Variants in FHIT observed in about 807,000 individuals in gnomAD.
The protein encoded by FHIT is bis(5'-adenosyl)-triphosphatase.
Under a neutral mutation model 17.9 loss-of-function variants are expected in FHIT, and 19 were observed. The ratio of observed to expected loss-of-function variants is 1.06; its 90% CI spans 0.74 to 1.56. The LOEUF is 1.56. FHIT is among the 40% of genes most tolerant of loss of function. FHIT has a pLI of 0.00. For missense variants in FHIT, 248 were observed against 189.2 expected, an observed-to-expected ratio of 1.31 and a Z score of -1.82; for synonymous variants, 81 against 69.7, an observed-to-expected ratio of 1.16 and a Z score of -0.81.
intron 4 of FHIT, among the ~76,000 whole-genome samples, chr3:60,723,996 A>C (rs370327271): frequency 6.6e-6 from 1 of 152,356 alleles, no homozygotes; most frequent in Admixed American, 6.5e-5. Context: ...TTAGAGATAT[A>C]ATTCACATAT....
chr3:61,139,030 CTTT>C (rs368329092), intron 2 of FHIT, among the ~76,000 whole-genome samples: 2 of 137,278 alleles, frequency 1.5e-5, no homozygotes, highest in Non-Finnish European at 1.6e-5. Flanking sequence ...CTATATCAAA[CTTT>C]TTTTTTTTTT....
intron 3 of FHIT, among the ~76,000 whole-genome samples, chr3:61,034,442 A>AC (rs1397386281): frequency 1.3e-5 from 2 of 152,088 alleles, no homozygotes; most frequent in Non-Finnish European, 2.9e-5. Context: ...AAACAAACAA[A>AC]AACAACAAAA....
chr3:60,571,341 A>T (rs1422761942), intron 4 of FHIT, among the ~76,000 whole-genome samples: 1 of 83,286 alleles, frequency 1.2e-5, no homozygotes, highest in Non-Finnish European at 2.6e-5. Flanking sequence ...ATCGCAAAAA[A>T]AAAAAAAAAA....
intron 4 of FHIT, among the ~76,000 whole-genome samples, chr3:60,731,349 G>T (rs1445252401): frequency 6.6e-6 from 1 of 152,144 alleles, no homozygotes; most frequent in African/African-American, 2.4e-5. Context: ...AGGAGTGAAA[G>T]TTTATTAGAA....
rs556209924 is a variant in FHIT, at chr3:60,352,800, C to T, written c.103+184060G>A. ...GGTCACTGGGTTTACAGGCTCAATG[C>T]ACCATACCTGACCTAAAAGCATTTC... On this transcript the variant is annotated intron_variant, in intron 5 of 9. Transcript: ENST00000492590. 3.0e-3 allele frequency among the ~76,000 whole-genome samples: 461 copies of T among 152,300 alleles called. 2 individuals are homozygous for T. Among genetic ancestry groups the T allele is most frequent in the South Asian group, 0.022 (108 of 4,824 alleles).
At chr3:60,147,200 A>T (rs1053893524) in intron 5 of FHIT, among the ~76,000 whole-genome samples, 1 of 152,216 alleles carries the variant, frequency 6.6e-6, no homozygotes, top group African/African-American at 2.4e-5. Flanking sequence ...GCCTCCAACA[A>T]TACAAAGCTT....
At chr3:60,087,381 T>G (rs1332472236) in intron 5 of FHIT, among the ~76,000 whole-genome samples, 1 of 152,212 alleles carries the variant, frequency 6.6e-6, no homozygotes, top group Non-Finnish European at 1.5e-5. Flanking sequence ...CTTTAGCAAT[T>G]TCACTGGACT....
At chr3:60,424,747 T>TAGA (rs1465616903) in intron 5 of FHIT, among the ~76,000 whole-genome samples, 1 of 152,124 alleles carries the variant, frequency 6.6e-6, no homozygotes, top group Non-Finnish European at 1.5e-5. Flanking sequence ...AAGAAGAACA[T>TAGA]AGAAGAGCAA....
At position 59,942,534 on chromosome 3, in the gene FHIT, G is replaced by C. The variant is rs141412529; in HGVS notation, c.280-20120C>G. Reference sequence around the variant, plus strand: ...TTGCATTAAACAAAACAAAATGGCAGTTTTCCTTCTTGCTGAAACCCTCAC... The same window carrying C: ...TTGCATTAAACAAAACAAAATGGCACTTTTCCTTCTTGCTGAAACCCTCAC... On this transcript the variant is annotated intron_variant, in intron 7 of 9. Coordinates refer to ENST00000492590, the MANE Select transcript of FHIT (RefSeq NM_002012.4). Among the ~76,000 whole-genome samples the C allele has an allele frequency of 2.0e-3, 306 of 152,304 alleles. 3 individuals are homozygous for C. The highest frequency in any genetic ancestry group is 7.2e-3 in the African/African-American group (298 of 41,576).
chr3:61,230,339 G>C (rs1017034497), intron 1 of FHIT, among the ~76,000 whole-genome samples: 31 of 152,064 alleles, frequency 2.0e-4, no homozygotes, highest in Non-Finnish European at 4.4e-4. Context: ...TTGTGCAAAG[G>C]TGTATGGCAC....
At chr3:60,018,290 C>T (rs1376861992) in intron 5 of FHIT, among the ~76,000 whole-genome samples, 1 of 152,180 alleles carries the variant, frequency 6.6e-6, no homozygotes, top group Non-Finnish European at 1.5e-5. Context: ...ACAAAGATGA[C>T]ATCAAGTGAT....
At chr3:60,340,405 C>A (rs1475209315) in intron 5 of FHIT, among the ~76,000 whole-genome samples, 2 of 152,172 alleles carry the variant, frequency 1.3e-5, no homozygotes, top group Non-Finnish European at 2.9e-5. Flanking sequence ...GATCACTGTT[C>A]TTGGGAGCCC....
At chr3:59,775,202 G>A (rs1702251061) in intron 8 of FHIT, among the ~76,000 whole-genome samples, 1 of 152,086 alleles carries the variant, frequency 6.6e-6, no homozygotes, top group South Asian at 2.1e-4. Flanking sequence ...CAGGTCCTGG[G>A]GGTGTTTAGG....
intron 3 of FHIT, among the ~76,000 whole-genome samples, chr3:60,900,821 AG>A (rs1436883523): frequency 3.3e-5 from 5 of 152,158 alleles, no homozygotes; most frequent in Non-Finnish European, 7.3e-5. Context: ...TCTGTCGCCC[AG>A]GCTGGAGTGC....
At chr3:61,230,036 A>G (rs1471979803) in intron 1 of FHIT, among the ~76,000 whole-genome samples, 1 of 152,202 alleles carries the variant, frequency 6.6e-6, no homozygotes, top group Non-Finnish European at 1.5e-5. Flanking sequence ...TACCTTAAAA[A>G]GTCCCTTCCC....
At chr3:60,133,756 T>C (rs1327454895) in intron 5 of FHIT, among the ~76,000 whole-genome samples, 1 of 151,150 alleles carries the variant, frequency 6.6e-6, no homozygotes, top group African/African-American at 2.4e-5. Context: ...TTTTTAATCC[T>C]AAAAGAGGAA....
chr3:59,948,701 T>A (rs1341256524), intron 7 of FHIT, among the ~76,000 whole-genome samples: 2 of 152,132 alleles, frequency 1.3e-5, no homozygotes, highest in Non-Finnish European at 2.9e-5. Flanking sequence ...TGGCCTTAAT[T>A]TGCATTTCCC....
chr3:60,588,571 C>G (rs2037980481), intron 4 of FHIT, among the ~76,000 whole-genome samples: 1 of 152,024 alleles, frequency 6.6e-6, no homozygotes, highest in Admixed American at 6.6e-5. Flanking sequence ...TGAGCCCACT[C>G]CAGACCAACT....
chr3:60,208,983 C>A (rs544789006), intron 5 of FHIT, among the ~76,000 whole-genome samples: 1 of 152,122 alleles, frequency 6.6e-6, no homozygotes, highest in African/African-American at 2.4e-5. Flanking sequence ...CCTTTAAGGA[C>A]ATTTATAGTC....
Sources: allele counts gnomAD v4.1 joint callset (sites outside exome capture counted in the v4.1 genomes callset), GRCh38; gene constraint gnomAD v4.1.1; transcripts MANE v1.5; gene names NCBI Gene and HGNC (gene_info 2026-07-23, HGNC 2026-07-21).